The following BCL2L13 variants were observed in gnomAD, a reference collection of about 807,000 sequenced individuals.
BCL2L13 encodes bcl-2-like protein 13.
Under a neutral mutation model 25.8 loss-of-function variants are expected in BCL2L13, and 13 were observed. That is an observed-to-expected ratio of 0.50 (90% CI 0.33 to 0.80). The LOEUF (loss-of-function observed/expected upper bound fraction) is 0.80. BCL2L13 is among the 30% of genes least tolerant of loss of function. BCL2L13 has a pLI of 0.02. For synonymous variants in BCL2L13, 244 were observed against 230.3 expected (o/e 1.06, Z -0.54); for missense variants, 504 against 574.9 (o/e 0.88, Z 1.26).
chr22:17,711,092 C>T (rs1282744092), intron 6 of BCL2L13, among the ~76,000 whole-genome samples: 2 of 151,028 alleles, frequency 1.3e-5, no homozygotes, highest in African/African-American at 4.9e-5. Flanking sequence ...TGCGGTGGCT[C>T]ATGCCTGTAA....
At position 17,696,174 on chromosome 22, in the gene BCL2L13, A is replaced by G. The variant is rs1215416910; in HGVS notation, c.420A>G (p.Thr140=). The stretch of plus-strand genomic sequence containing the variant: ...CATATCAGGCATTTCGGGAATGTAC[A>G]CTGGAGACCACAGTTCATGCCAGCG... ...PVTYQAFREC[T]LETTVHASGW... The change falls in exon 5 of 7, where the codon ACA becomes ACG. Residue 140 remains threonine (T), a synonymous_variant. Transcript: ENST00000317582. 2.5e-6 allele frequency: 4 copies of G among 1,613,914 alleles called. No homozygotes were observed. Among genetic ancestry groups the G allele is most frequent in the African/African-American group, 2.7e-5 (2 of 74,938 alleles).
In BCL2L13 at chr22:17,646,309, C is replaced by T. The variant is rs145937706; in HGVS notation, c.-51+7423C>T. Among the ~76,000 whole-genome samples the T allele has an allele frequency of 5.4e-3, 825 of 151,590 alleles. 40 individuals carry two copies. Among genetic ancestry groups the T allele is most frequent in the African/African-American group, 0.019 (793 of 40,896 alleles). The stretch of plus-strand genomic sequence containing the variant: ...TTGCCCAGGCTGGAGTGCAATGGCA[C>T]GATCTCAGCTCACTGCAACCTCCAC... On this transcript the variant is annotated intron_variant, in intron 1 of 6. Coordinates refer to ENST00000317582, the MANE Select transcript of BCL2L13 (RefSeq NM_015367.4).
At chr22:17,724,455 C>T (rs2061239591) in intron 6 of BCL2L13, among the ~76,000 whole-genome samples, 2 of 152,168 alleles carry the variant, frequency 1.3e-5, no homozygotes, top group African/African-American at 4.8e-5. Context: ...ATTTTAACCC[C>T]CTGATTATTC....
intron 5 of BCL2L13, among the ~76,000 whole-genome samples, chr22:17,699,548 T>C (rs184380360): frequency 2.6e-5 from 4 of 152,288 alleles, no homozygotes; most frequent in South Asian, 4.1e-4. Flanking sequence ...AAAAATACTT[T>C]AGCATTTCAT....
chr22:17,667,723 G>C (rs1234523065), intron 2 of BCL2L13, among the ~76,000 whole-genome samples: 1 of 128,888 alleles, frequency 7.8e-6, no homozygotes, highest in Non-Finnish European at 1.7e-5. Context: ...TGGCGAGGCT[G>C]GTCTGGAACT....
chr22:17,675,083 C>T (rs1412866892), intron 2 of BCL2L13, among the ~76,000 whole-genome samples: 1 of 152,056 alleles, frequency 6.6e-6, no homozygotes, highest in Non-Finnish European at 1.5e-5. Context: ...TATACACACA[C>T]ACACACACAT....
At chr22:17,718,698 C>A (rs1030959869) in intron 6 of BCL2L13, among the ~76,000 whole-genome samples, 1 of 152,256 alleles carries the variant, frequency 6.6e-6, no homozygotes, top group African/African-American at 2.4e-5. Flanking sequence ...TGGCAGAGAT[C>A]TTTTTGAAGA....
intron 1 of BCL2L13, among the ~76,000 whole-genome samples, chr22:17,648,317 T>C (rs1340899502): frequency 1.3e-5 from 2 of 152,086 alleles, no homozygotes; most frequent in East Asian, 3.9e-4. Context: ...AGTTACATAA[T>C]AGTGTTCTTG....
In BCL2L13 at chr22:17,696,133, C is replaced by A; in HGVS notation, c.387-8C>A. The stretch of plus-strand genomic sequence containing the variant: ...TTGTGACACAGACTTTTAAAAAAAT[C>A]TCTACAGGCCAGTGACATATCAGGC... On this transcript the variant is annotated splice_polypyrimidine_tract_variant and splice_region_variant and intron_variant, in intron 4 of 6. Coordinates refer to ENST00000317582, the MANE Select transcript of BCL2L13 (RefSeq NM_015367.4). 1 of 1,610,600 alleles carries A rather than the reference C, an allele frequency of 6.2e-7. No homozygotes were observed.
In BCL2L13 at chr22:17,723,948, A is replaced by C. The variant is rs531397521; in HGVS notation, c.601-2729A>C. On this transcript the variant is annotated intron_variant, in intron 6 of 6. Transcript: ENST00000317582. ...CTCCGTCTCAAAAAAAAAACAAAAA[A>C]AAACAAAAAACAAACTATACCTCAT... is the stretch of plus-strand genomic sequence containing the variant. Among the ~76,000 whole-genome samples the C allele has an allele frequency of 3.3e-5, 5 of 152,114 alleles. No homozygotes were observed. The East Asian group carries it at 5.8e-4, about 18-fold the overall frequency.
At chr22:17,666,735 G>A (rs1443852807) in intron 2 of BCL2L13, among the ~76,000 whole-genome samples, 1 of 144,832 alleles carries the variant, frequency 6.9e-6, no homozygotes, top group Non-Finnish European at 1.5e-5. Context: ...AGGCTGGAGT[G>A]CAGTGGCATG....
chr22:17,631,173 T>C (rs1008389653), intron 1 of BCL2L13, among the ~76,000 whole-genome samples: 2 of 151,370 alleles, frequency 1.3e-5, no homozygotes, highest in African/African-American at 2.4e-5. Context: ...CTCGGCTCAC[T>C]GCAACCTCCA....
intron 4 of BCL2L13, 120 bp downstream of exon 4, chr22:17,689,262 T>C: frequency 1.2e-6 from 1 of 869,262 alleles, no homozygotes; most frequent in Non-Finnish European, 1.6e-6. Context: ...CTCACTTTTC[T>C]TTACATTTTC....
At chr22:17,633,876 G>T (rs1281497193), upstream of BCL2L13, among the ~76,000 whole-genome samples, 1 of 151,924 alleles carries the variant, frequency 6.6e-6, no homozygotes, top group African/African-American at 2.4e-5. Flanking sequence ...GCTTCTGCTT[G>T]CTCCTGAAGC....
intron 6 of BCL2L13, among the ~76,000 whole-genome samples, chr22:17,711,304 C>CTTTTTTTTTTTTTT (rs765639315): frequency 0.069 from 8,429 of 122,728 alleles, 670 homozygotes; most frequent in African/African-American, 0.1. Flanking sequence ...CATGATGGGC[C>CTTTTTTTTTTTTTT]TTTTTTTTTT....
At chr22:17,693,659 C>T (rs1253021009) in intron 4 of BCL2L13, among the ~76,000 whole-genome samples, 4 of 152,022 alleles carry the variant, frequency 2.6e-5, no homozygotes, top group Non-Finnish European at 2.9e-5. Context: ...GGATTACAGG[C>T]GTGAGCCACA....
In BCL2L13 at chr22:17,727,161, C is replaced by G; in HGVS notation, c.1085C>G (p.Thr362Arg). The G allele has an allele frequency of 6.2e-7, 1 of 1,614,228 alleles. No individual in the cohort carries two copies. The highest frequency in any genetic ancestry group is 8.5e-7 in the Non-Finnish European group (1 of 1,180,050). Reference protein sequence around the residue: ...TSLLGTREPDTEVITVEKSSP... With the variant: ...TSLLGTREPDREVITVEKSSP... ...CTGCTGGGGACAAGGGAACCTGACA[C>G]AGAAGTGATCACAGTTGAGAAATCC... Residue 362 changes from threonine (T) to arginine (R), a missense_variant, in exon 7 of 7, where the codon ACA becomes AGA. Thr to Arg is a moderately conservative substitution (Grantham distance 71, BLOSUM62 -1). Coordinates refer to ENST00000317582, the MANE Select transcript of BCL2L13 (RefSeq NM_015367.4).
At chr22:17,703,664 A>G (rs777617974) in intron 6 of BCL2L13, 3 of 152,230 alleles carry the variant, frequency 2.0e-5, no homozygotes, top group Non-Finnish European at 4.4e-5. Context: ...GGATACTAAT[A>G]TCGAACATCC....
intron 1 of BCL2L13, among the ~76,000 whole-genome samples, chr22:17,653,538 C>T (rs1601526186): frequency 7.6e-6 from 1 of 130,836 alleles, no homozygotes; most frequent in Non-Finnish European, 1.6e-5. Flanking sequence ...CTTGCTTTGT[C>T]ACTCAGGCTG....
Sources: gnomAD v4.1 joint callset for allele counts (sites outside exome capture counted in the v4.1 genomes callset) on GRCh38, gnomAD v4.1.1 for gene constraint, MANE v1.5 for transcripts, NCBI Gene and HGNC (gene_info 2026-07-23, HGNC 2026-07-21) for gene names.